DDX11: variants seen among roughly 807,000 people sequenced by gnomAD.
DDX11 encodes ATP-dependent DNA helicase DDX11.
A neutral mutation model predicts 125.2 loss-of-function variants in DDX11; 72 were observed. The ratio of observed to expected loss-of-function variants is 0.58; its 90% CI spans 0.48 to 0.70. DDX11 has a LOEUF of 0.70. Ranked by LOEUF, DDX11 falls within the 30% of genes least tolerant of loss-of-function variation. The pLI is 0.00. For missense variants in DDX11, 883 were observed against 1,165.0 expected, an observed-to-expected ratio of 0.76 and a Z score of 3.52; for synonymous variants, 347 against 452.6, an observed-to-expected ratio of 0.77 and a Z score of 2.96.
In DDX11 at chr12:31,098,008, C is replaced by T. The variant is rs12366532; in HGVS notation, c.1875+11C>T. On this transcript the variant is annotated intron_variant, in intron 18 of 26. Coordinates refer to ENST00000542838, the MANE Select transcript of DDX11 (RefSeq NM_030653.4). ...GGTACCATGCAGCCGGTAAGGACAC[C>T]TTTCCCAGCCCCTCGTGCCCCAGGT... 0.037 allele frequency: 58,735 copies of T among 1,607,890 alleles called. 696 individuals carry two copies. The highest frequency in any genetic ancestry group is 0.042 in the Non-Finnish European group (49,470 of 1,174,688).
At chr12:31,085,656 G>C (rs1047766171) in intron 5 of DDX11, among the ~76,000 whole-genome samples, 5 of 152,214 alleles carry the variant, frequency 3.3e-5, no homozygotes, top group Non-Finnish European at 5.9e-5. Flanking sequence ...AGGCCACCCA[G>C]GCCATTTCGG....
intron 6 of DDX11, 97 bp from the exon 7 acceptor site, chr12:31,088,947 T>G: frequency 1.0e-6 from 1 of 960,980 alleles, no homozygotes; most frequent in Non-Finnish European, 1.7e-6. Context: ...CCACTCCCTT[T>G]CCCTCAGCCT....
intron 5 of DDX11, chr12:31,086,123 C>T (rs1943097764): frequency 2.2e-6 from 1 of 454,358 alleles, no homozygotes; most frequent in Non-Finnish European, 4.4e-6. Context: ...TCTGTCCTGT[C>T]TGAGGATTTG....
intron 2 of DDX11, 56 bp from the exon 3 acceptor site, chr12:31,083,757 T>G (rs71455616): frequency 0.097 from 152,780 of 1,577,098 alleles, 8,017 homozygotes; most frequent in Non-Finnish European, 0.11. Context: ...TGGGGAAAGG[T>G]CATTTGGGAG....
Position 31,083,797 on chromosome 12 carries a change from A to G in DDX11, c.145-16A>G. The G allele has an allele frequency of 6.2e-7, 1 of 1,611,490 alleles. No individual in the cohort carries two copies. Among genetic ancestry groups the G allele is most frequent in the Non-Finnish European group, 8.5e-7 (1 of 1,179,672 alleles). ...TGTTGTTTTCCTGTTTCTAAAGATC[A>G]TTTTTCTTCCTGCAGGGGAAGTCCT... On this transcript the variant is annotated splice_polypyrimidine_tract_variant and intron_variant, in intron 2 of 26. Transcript: ENST00000542838.
chr12:31,097,961 C>T lies in DDX11; in HGVS notation c.1839C>T (p.Cys613=). The part of the protein sequence containing the change: ...AVHFAQVVKE[C]RAVVIAGGTM... Reference sequence around the variant, plus strand: ...ACTTTGCCCAAGTGGTGAAGGAATGCCGGGCAGTGGTCATTGCGGGGGGTA... The same window carrying T: ...ACTTTGCCCAAGTGGTGAAGGAATGTCGGGCAGTGGTCATTGCGGGGGGTA... The change falls in exon 18 of 27, where the codon TGC becomes TGT. Residue 613 remains cysteine (C), a synonymous_variant. Transcript: ENST00000542838. The T allele has an allele frequency of 1.9e-6, 3 of 1,613,776 alleles. No homozygotes were observed.
chr12:31,085,207 G>C (rs1409034937), intron 5 of DDX11, 81 bp downstream of exon 5: 1 of 1,500,812 alleles, frequency 6.7e-7, no homozygotes, highest in East Asian at 2.5e-5. Flanking sequence ...TGCCACAGAT[G>C]CCATGAAGCA....
intron 15 of DDX11, 31 bp downstream of exon 15, chr12:31,096,410 A>T (rs777809617): frequency 1.9e-6 from 3 of 1,613,214 alleles, no homozygotes; most frequent in Non-Finnish European, 1.7e-6. Context: ...GTCCTGAACA[A>T]GACCCAGCTG....
chr12:31,094,070 T>A (rs1944773154), intron 12 of DDX11, among the ~76,000 whole-genome samples: 2 of 152,108 alleles, frequency 1.3e-5, no homozygotes, highest in Non-Finnish European at 2.9e-5. Context: ...CACGGGAGCC[T>A]GGGATCTTCT....
intron 23 of DDX11, 134 bp downstream of exon 23, chr12:31,102,661 G>A (rs1946597718): frequency 1.3e-6 from 1 of 799,414 alleles, no homozygotes; most frequent in Non-Finnish European, 2.1e-6. Context: ...CCAGCCAGCT[G>A]GAGGGAGGGG....
intron 14 of DDX11, among the ~76,000 whole-genome samples, chr12:31,095,393 A>G (rs1262322795): frequency 6.6e-6 from 1 of 152,216 alleles, no homozygotes; most frequent in Non-Finnish European, 1.5e-5. Context: ...AAGGAAAGCA[A>G]ACAGGCCCGT....
chr12:31,079,612 G>T (rs1380761749), intron 2 of DDX11, among the ~76,000 whole-genome samples: 2 of 148,902 alleles, frequency 1.3e-5, no homozygotes, highest in Non-Finnish European at 3.0e-5. Context: ...ACCCTTGAAG[G>T]CCAGATCTGT....
chr12:31,077,455 AGGTCTAGAGG>A (rs1428686782), intron 1 of DDX11, among the ~76,000 whole-genome samples: 3 of 152,120 alleles, frequency 2.0e-5, no homozygotes, highest in Non-Finnish European at 4.4e-5. Context: ...GAAAGCTCAT[AGGTCTAGAGG>A]CCAGAAAAGT....
intron 2 of DDX11, among the ~76,000 whole-genome samples, chr12:31,082,976 G>A (rs1288078052): frequency 6.6e-6 from 1 of 152,114 alleles, no homozygotes; most frequent in Non-Finnish European, 1.5e-5. Flanking sequence ...AGCCCTTTAG[G>A]CTGGGTCCCG....
chr12:31,100,867 CCCTGCTG>C, intron 19 of DDX11, 153 bp from the exon 20 acceptor site: 7 of 1,082,618 alleles, frequency 6.5e-6, no homozygotes, highest in South Asian at 1.3e-5. Flanking sequence ...CTGCTTTGCT[CCCTGCTG>C]CCTGCTGCCC....
rs776896359 is a variant in DDX11, at chr12:31,092,828, T to C, written c.1243-18T>C. The C allele has an allele frequency of 1.2e-6, 2 of 1,613,216 alleles. No homozygotes were observed. The highest frequency in any genetic ancestry group is 3.3e-5 in the Admixed American group (2 of 60,014). ...CCTCAGCTGCTTGCTCAGAGCCTGG[T>C]TTGTGTTCTTTCCCCAGCTCTGCCA... On this transcript the variant is annotated intron_variant, in intron 10 of 26. Transcript: ENST00000542838.
intron 10 of DDX11, 131 bp downstream of exon 10, chr12:31,092,002 T>C (rs1592708216): frequency 7.7e-7 from 1 of 1,300,656 alleles, no homozygotes; most frequent in East Asian, 2.4e-5. Flanking sequence ...GTCAAGGCGG[T>C]GACCTCATCG....
chr12:31,079,290 G>C (rs10843878), intron 2 of DDX11, among the ~76,000 whole-genome samples: 3 of 136,450 alleles, frequency 2.2e-5, no homozygotes, highest in Non-Finnish European at 3.1e-5. Context: ...TCATCCAGTG[G>C]CCTCTCAATA....
chr12:31,102,616 CA>C (rs1449323145), intron 23 of DDX11, 89 bp downstream of exon 23: 2 of 1,244,612 alleles, frequency 1.6e-6, no homozygotes, highest in African/African-American at 3.0e-5. Flanking sequence ...TCTCTGCTGC[CA>C]TTAGAGCCCA....
Sources: gnomAD v4.1 joint callset for allele counts (sites outside exome capture counted in the v4.1 genomes callset) on GRCh38, gnomAD v4.1.1 for gene constraint, MANE v1.5 for transcripts, NCBI Gene and HGNC (gene_info 2026-07-23, HGNC 2026-07-21) for gene names.